Variants in IL12A observed in about 807,000 individuals in gnomAD.
IL12A encodes the protein interleukin-12 subunit alpha.
In IL12A, 16 loss-of-function variants were observed where a neutral mutation model predicts 23.5. That is an observed-to-expected ratio of 0.68 (90% CI 0.46 to 1.03). The LOEUF (loss-of-function observed/expected upper bound fraction) is 1.03, where lower values mean the gene tolerates loss of function less well. Ranked by LOEUF, IL12A falls within the 50% of genes least tolerant of loss-of-function variation. IL12A has a pLI of 0.00. For synonymous variants in IL12A, 106 were observed against 111.5 expected (o/e 0.95, Z 0.31); for missense variants, 275 against 307.0 (o/e 0.90, Z 0.78).
rs76693142 is a variant in IL12A, at chr3:159,993,921, T to C, written c.606+77T>C. The C allele has an allele frequency of 9.9e-4, 1,475 of 1,488,360 alleles. 11 individuals are homozygous for C. The African/African-American group carries it at 0.019, about 19-fold the overall frequency. The allele number at this position is 1,488,360 out of a possible 1,614,324, so 92.2% of individuals were successfully genotyped here. A position where few individuals can be genotyped will look rare whatever the true frequency, so the allele number is the denominator to read the frequency against. ...AGCCAGGGTCTTTGATAAAGAGATA[T>C]AAAAAGAGGTCTGGAGGCCTTTTAA... On this transcript the variant is annotated intron_variant, in intron 6 of 6. Coordinates refer to ENST00000305579, the MANE Select transcript of IL12A (RefSeq NM_000882.4).
Position 159,993,591 on chromosome 3 carries a change from A to G in IL12A, c.444A>G (p.Arg148=), listed in dbSNP as rs1478080754. The G allele has an allele frequency of 6.2e-7, 1 of 1,614,072 alleles. No individual in the cohort carries two copies. The highest frequency in any genetic ancestry group is 8.5e-7 in the Non-Finnish European group (1 of 1,180,042). Reference sequence around the variant, plus strand: ...AGAATGGGAGTTGCCTGGCCTCCAGAAAGACCTCTTTTATGATGGTAAGAC... The same window carrying G: ...AGAATGGGAGTTGCCTGGCCTCCAGGAAGACCTCTTTTATGATGGTAAGAC... The change falls in exon 5 of 7, where the codon AGA becomes AGG. Residue 148 remains arginine, a synonymous_variant. Transcript: ENST00000305579.
At chr3:159,995,324 A>T in intron 6 of IL12A, 80 bp from the exon 7 acceptor site, 1 of 1,181,308 alleles carries the variant, frequency 8.5e-7, no homozygotes, top group Non-Finnish European at 1.2e-6. Flanking sequence ...TGAGACATGT[A>T]CTGGCTTCAC....
intron 2 of IL12A, among the ~76,000 whole-genome samples, chr3:159,992,320 C>G: frequency 6.6e-6 from 1 of 152,174 alleles, no homozygotes; most frequent in East Asian, 1.9e-4. Context: ...AATTGTCTGT[C>G]TCAGCAGCTA....
At chr3:159,994,189 T>A (rs1368887060) in intron 6 of IL12A, 1 of 196,830 alleles carries the variant, frequency 5.1e-6, no homozygotes, top group Non-Finnish European at 1.1e-5. Context: ...AGGCTCTGCC[T>A]CTTAAAATCC....
rs933932946 is a variant in IL12A at position 159,995,796 on chromosome 3, A to C, written c.*237A>C. On this transcript the variant is annotated 3_prime_UTR_variant, in exon 7 of 7. Coordinates refer to ENST00000305579, the MANE Select transcript of IL12A (RefSeq NM_000882.4). Reference sequence around the variant, plus strand: ...CCTGAAGGTGTTTTTCATTCACTTTAATAGAAGGGCAAATATTTATAAGCT... The same window carrying C: ...CCTGAAGGTGTTTTTCATTCACTTTCATAGAAGGGCAAATATTTATAAGCT... 2.6e-5 allele frequency: 8 copies of C among 311,256 alleles called. No individual in the cohort carries two copies. The allele number at this position is 311,256 out of a possible 1,614,324, so 19.3% of individuals were successfully genotyped here.
chr3:159,993,265 A>G (rs1216062134), intron 3 of IL12A, 140 bp downstream of exon 3: 19 of 724,580 alleles, frequency 2.6e-5, no homozygotes, highest in Non-Finnish European at 4.1e-5. Context: ...TAGATTTGGG[A>G]GAAAAATTAT....
intron 1 of IL12A, among the ~76,000 whole-genome samples, chr3:159,989,511 A>G (rs1461697456): frequency 1.3e-5 from 2 of 152,120 alleles, no homozygotes; most frequent in Admixed American, 6.5e-5. Flanking sequence ...GCCGGGTGCA[A>G]TGGCTCACGC....
intron 6 of IL12A, among the ~76,000 whole-genome samples, chr3:159,994,628 G>C (rs142886280): frequency 2.0e-5 from 3 of 149,612 alleles, no homozygotes; most frequent in East Asian, 2.0e-4. Context: ...GCATGTGCCA[G>C]ATTTCTTGTT....
Position 159,995,424 on chromosome 3 carries a change from G to A in IL12A, c.627G>A (p.Glu209=), listed in dbSNP as rs1720462809. ...CCTAGGCCCTGAATTTCAACAGTGA[G>A]ACTGTGCCACAAAAATCCTCCCTTG... The change falls in exon 7 of 7, where the codon GAG becomes GAA. Residue 209 remains glutamate (E), a synonymous_variant. Coordinates refer to ENST00000305579, the MANE Select transcript of IL12A (RefSeq NM_000882.4). 1.9e-6 allele frequency: 3 copies of A among 1,606,526 alleles called. No individual in the cohort carries two copies. Among genetic ancestry groups the A allele is most frequent in the Non-Finnish European group, 1.7e-6 (2 of 1,177,044 alleles).
rs549303511 is a variant in IL12A, at chr3:159,993,355, T to A, written c.379-96T>A. ...AGTTCAGATGCTAAATATTATGATATGTGTTTTTACCATAATAAAAAAAAT... is the reference window on the plus strand; with the variant it reads ...AGTTCAGATGCTAAATATTATGATAAGTGTTTTTACCATAATAAAAAAAAT... On this transcript the variant is annotated intron_variant, in intron 3 of 6. Transcript: ENST00000305579. 93 of 887,124 alleles carry A rather than the reference T, an allele frequency of 1.0e-4. No homozygotes were observed. The African/African-American group carries it at 1.2e-3, about 11-fold the overall frequency. 55.0% of individuals were successfully genotyped at this position (887,124 alleles called of 1,614,324 possible). A position where few individuals can be genotyped will look rare whatever the true frequency, so the allele number is the denominator to read the frequency against.
At chr3:159,993,914 A>G (rs1178772827) in intron 6 of IL12A, 70 bp downstream of exon 6, 3 of 1,535,786 alleles carry the variant, frequency 2.0e-6, no homozygotes, top group African/African-American at 1.4e-5. Flanking sequence ...TCTTTGATAA[A>G]GAGATATAAA....
chr3:159,989,364 A>G (rs754124989), intron 1 of IL12A, 190 bp downstream of exon 1: 2 of 585,214 alleles, frequency 3.4e-6, no homozygotes, highest in Non-Finnish European at 6.0e-6. Context: ...ATCTCGAAAC[A>G]GCCTGATGAG....
Position 159,993,470 on chromosome 3 carries a change from C to G in IL12A, c.398C>G (p.Ser133Cys), listed in dbSNP as rs779055728. 1.2e-6 allele frequency: 2 copies of G among 1,612,464 alleles called. No homozygotes were observed. Among genetic ancestry groups the G allele is most frequent in the Admixed American group, 3.3e-5 (2 of 59,996 alleles). Residue 133 changes from serine to cysteine, a missense_variant, in exon 4 of 7, where the codon TCC becomes TGC. Physicochemically the swap from Ser to Cys is moderately radical, Grantham distance 112. Coordinates refer to ENST00000305579, the MANE Select transcript of IL12A (RefSeq NM_000882.4). ...CTCTAGAATGAGAGTTGCCTAAATT[C>G]CAGAGAGACCTCTTTCATAACTGTA...
chr3:159,992,451 A>G (rs1720352636), intron 2 of IL12A, among the ~76,000 whole-genome samples: 1 of 152,232 alleles, frequency 6.6e-6, no homozygotes, highest in Non-Finnish European at 1.5e-5. Flanking sequence ...TCAATCATAC[A>G]GTCCTTTACT....
rs755783532 is a variant in IL12A at position 159,989,074 on chromosome 3, A to C, written c.18A>C (p.Ser6=). Residue 6 remains serine, a synonymous_variant, in exon 1 of 7, where the codon TCA becomes TCC. Transcript: ENST00000305579. The stretch of plus-strand genomic sequence containing the variant: ...TTATAAAAATGTGGCCCCCTGGGTC[A>C]GCCTCCCAGCCACCGCCCTCACCTG... 6.2e-7 allele frequency: 1 copy of C among 1,613,304 alleles called. No individual in the cohort carries two copies. Among genetic ancestry groups the C allele is most frequent in the Admixed American group, 1.7e-5 (1 of 60,000 alleles).
intron 1 of IL12A, 142 bp downstream of exon 1, chr3:159,989,316 G>C (rs1275553785): frequency 1.5e-6 from 1 of 669,354 alleles, no homozygotes; most frequent in African/African-American, 1.8e-5. Flanking sequence ...ATAAGAATAG[G>C]GGTCTCACCG....
In IL12A at chr3:159,990,305, T is replaced by G; in HGVS notation, c.257T>G (p.Leu86Arg). The change falls in exon 2 of 7, where the codon CTC becomes CGC. Residue 86 changes from leucine to arginine, a missense_variant. Leu to Arg is a moderately radical substitution (Grantham distance 102). Coordinates refer to ENST00000305579, the MANE Select transcript of IL12A (RefSeq NM_000882.4). ...CTGCTGAGGGCCGTCAGCAACATGCTCCAGAAGGTGAGCCTTTCCTGTCCT... is the reference window on the plus strand; with the variant it reads ...CTGCTGAGGGCCGTCAGCAACATGCGCCAGAAGGTGAGCCTTTCCTGTCCT... 6.2e-7 allele frequency: 1 copy of G among 1,614,028 alleles called. No individual in the cohort carries two copies. The highest frequency in any genetic ancestry group is 8.5e-7 in the Non-Finnish European group (1 of 1,179,962).
At chr3:159,994,535 A>C (rs1046028762) in intron 6 of IL12A, among the ~76,000 whole-genome samples, 1 of 151,954 alleles carries the variant, frequency 6.6e-6, no homozygotes, top group South Asian at 2.1e-4. Context: ...ATATGGTGGC[A>C]GAAATCATTG....
intron 6 of IL12A, 125 bp from the exon 7 acceptor site, chr3:159,995,279 T>G (rs1229209840): frequency 9.3e-6 from 6 of 642,662 alleles, no homozygotes; most frequent in Non-Finnish European, 1.3e-5. Flanking sequence ...TTGGATTGGG[T>G]TTAGGAGTGG....
Sources: allele counts gnomAD v4.1 joint callset (sites outside exome capture counted in the v4.1 genomes callset), GRCh38; gene constraint gnomAD v4.1.1; transcripts MANE v1.5; gene names NCBI Gene and HGNC (gene_info 2026-07-23, HGNC 2026-07-21).